HYDIN: variants seen among roughly 807,000 people sequenced by gnomAD.
HYDIN encodes the protein axonemal central pair apparatus protein HYDIN.
A neutral mutation model predicts 403.9 loss-of-function variants in HYDIN; 132 were observed. That is an observed-to-expected ratio of 0.33 (90% CI 0.28 to 0.38). The LOEUF (loss-of-function observed/expected upper bound fraction) is 0.38, where lower values mean the gene tolerates loss of function less well. Ranked by LOEUF, HYDIN falls within the 10% of genes least tolerant of loss-of-function variation. The pLI is 1.00. For synonymous variants in HYDIN, 1,202 were observed against 1,891.7 expected (o/e 0.64, Z 9.46); for missense variants, 2,827 against 5,009.5 (o/e 0.56, Z 13.15).
chr16:71,013,230 C>T (rs1223599527), intron 23 of HYDIN, among the ~76,000 whole-genome samples: 1 of 151,852 alleles, frequency 6.6e-6, no homozygotes, highest in Non-Finnish European at 1.5e-5. Flanking sequence ...GAAGGCTTCC[C>T]TGCAGAAGGA....
intron 1 of HYDIN, among the ~76,000 whole-genome samples, chr16:71,211,844 G>C (rs2088610245): frequency 6.6e-6 from 1 of 152,070 alleles, no homozygotes; most frequent in Non-Finnish European, 1.5e-5. Flanking sequence ...GCTTCACATA[G>C]GGGAATTATT....
At chr16:70,931,208 CTGTTTT>C (rs1453194758) in intron 45 of HYDIN, among the ~76,000 whole-genome samples, 27 of 78,238 alleles carry the variant, frequency 3.5e-4, no homozygotes, top group East Asian at 6.3e-4. Flanking sequence ...TCTCTTTCTT[CTGTTTT>C]TTTTTTTTTT....
At chr16:70,997,600 A>T (rs1378876244) in intron 23 of HYDIN, among the ~76,000 whole-genome samples, 1 of 151,836 alleles carries the variant, frequency 6.6e-6, no homozygotes. Flanking sequence ...ATCTTTAAGC[A>T]TTAGCTTAGA....
At chr16:70,926,060 T>G (rs1175536106) in intron 45 of HYDIN, among the ~76,000 whole-genome samples, 1 of 150,978 alleles carries the variant, frequency 6.6e-6, no homozygotes, top group African/African-American at 2.4e-5. Flanking sequence ...TGGCGATTCC[T>G]CAGGGATCTA....
rs1400203567 is a variant in HYDIN, at chr16:71,230,661, C to T, written c.-123G>A. The stretch of plus-strand genomic sequence containing the variant: ...CGCCGCCGCTGAGGGGCTCCATACC[C>T]AGCTTGAAGCCGCCCGCACTCTCCA... On this transcript the variant is annotated 5_prime_UTR_variant, in exon 1 of 86. Coordinates refer to ENST00000393567, the MANE Select transcript of HYDIN (RefSeq NM_001270974.2). The T allele has an allele frequency of 1.2e-5, 18 of 1,535,968 alleles. No homozygotes were observed. Among genetic ancestry groups the T allele is most frequent in the Admixed American group, 2.0e-5 (1 of 50,984 alleles).
intron 45 of HYDIN, among the ~76,000 whole-genome samples, chr16:70,923,815 T>C (rs373349635): frequency 2.2e-5 from 3 of 138,868 alleles, no homozygotes; most frequent in African/African-American, 8.1e-5. Flanking sequence ...AGCAAGACTC[T>C]GTCTCAAAAA....
chr16:70,990,830 C>T (rs1438625472), intron 25 of HYDIN, among the ~76,000 whole-genome samples: 2 of 152,162 alleles, frequency 1.3e-5, no homozygotes, highest in Non-Finnish European at 2.9e-5. Flanking sequence ...GAGGTTATGC[C>T]AATTCATACT....
intron 50 of HYDIN, among the ~76,000 whole-genome samples, chr16:70,905,659 G>C (rs370571214): frequency 7.2e-6 from 1 of 139,086 alleles, no homozygotes; most frequent in East Asian, 2.1e-4. Flanking sequence ...AAAAAGACAA[G>C]AAAAGAAAAG....
chr16:71,071,812 T>C (rs1255796440), intron 13 of HYDIN, among the ~76,000 whole-genome samples: 1 of 152,236 alleles, frequency 6.6e-6, no homozygotes, highest in Non-Finnish European at 1.5e-5. Context: ...GAGTATTAAA[T>C]TGATTCATCA....
chr16:70,944,043 T>C lies in HYDIN; in HGVS notation c.6532-94A>G, dbSNP rs2077767924. The stretch of plus-strand genomic sequence containing the variant: ...GCCACAGGACCTTGGGAAGATCACA[T>C]AATCTGTCATTTCCTCATCTGTACA... On this transcript the variant is annotated intron_variant, in intron 41 of 85. Coordinates refer to ENST00000393567, the MANE Select transcript of HYDIN (RefSeq NM_001270974.2). 8.8e-6 allele frequency: 8 copies of C among 911,078 alleles called. 1 individual carries two copies. The highest frequency in any genetic ancestry group is 3.0e-5 in the South Asian group (2 of 65,688). 56.4% of individuals were successfully genotyped at this position (911,078 alleles called of 1,614,324 possible).
At chr16:70,992,876 C>T (rs1174845883) in intron 23 of HYDIN, among the ~76,000 whole-genome samples, 1 of 152,210 alleles carries the variant, frequency 6.6e-6, no homozygotes, top group Non-Finnish European at 1.5e-5. Context: ...ATTAAAAAGG[C>T]CTTTGGATGT....
chr16:71,208,778 C>T (rs1011544424), intron 1 of HYDIN, among the ~76,000 whole-genome samples: 2 of 151,642 alleles, frequency 1.3e-5, no homozygotes, highest in Non-Finnish European at 3.0e-5. Context: ...TTTATGCATA[C>T]AAATTAGAAA....
Position 70,881,267 on chromosome 16 carries a change from T to C in HYDIN, c.10215+1393A>G, listed in dbSNP as rs574896709. ...AAATCAGTCTTCCTCACTTTTTATGTTTTTAGTACAGAAGAGGAAGAAAGC... is the reference window on the plus strand; with the variant it reads ...AAATCAGTCTTCCTCACTTTTTATGCTTTTAGTACAGAAGAGGAAGAAAGC... On this transcript the variant is annotated intron_variant, in intron 60 of 85. Coordinates refer to ENST00000393567, the MANE Select transcript of HYDIN (RefSeq NM_001270974.2). 2.2e-5 allele frequency among the ~76,000 whole-genome samples: 3 copies of C among 137,534 alleles called. No individual in the cohort carries two copies. The South Asian group carries it at 6.6e-4, about 30-fold the overall frequency. 90.2% of individuals were successfully genotyped at this position (137,534 alleles called of 152,430 possible).
chr16:70,879,303 A>C lies in HYDIN; in HGVS notation c.10551T>G (p.Pro3517=), dbSNP rs1294614892. The change falls in exon 62 of 86, where the codon CCT becomes CCG. Residue 3517 remains proline (P), a synonymous_variant. Coordinates refer to ENST00000393567, the MANE Select transcript of HYDIN (RefSeq NM_001270974.2). ...PLILKNNGVL[P]AQLHVDLQDE... The stretch of plus-strand genomic sequence containing the variant: ...CTTCACCCTCGAGTATTACCTGGGC[A>C]GGGAGGACACCATTGTTCTTGAGGA... 1 of 1,210,410 alleles carries C rather than the reference A, an allele frequency of 8.3e-7. No homozygotes were observed. Among genetic ancestry groups the C allele is most frequent in the East Asian group, 2.4e-5 (1 of 41,792 alleles). The allele number at this position is 1,210,410 out of a possible 1,614,324, so 75.0% of individuals were successfully genotyped here.
chr16:71,195,941 A>ACAC (rs1389356703), intron 1 of HYDIN, among the ~76,000 whole-genome samples: 1 of 152,220 alleles, frequency 6.6e-6, no homozygotes, highest in African/African-American at 2.4e-5. Context: ...TCCAGGTCAG[A>ACAC]CACAGGCAAA....
chr16:70,856,306 C>A (rs1004682851), intron 72 of HYDIN, among the ~76,000 whole-genome samples: 2 of 100,902 alleles, frequency 2.0e-5, no homozygotes, highest in Admixed American at 2.4e-4. Flanking sequence ...TTTATGTGTA[C>A]AAAATCATCA....
chr16:70,894,337 T>C (rs2041663198), intron 55 of HYDIN, 112 bp downstream of exon 55: 1 of 1,493,626 alleles, frequency 6.7e-7, no homozygotes. Flanking sequence ...ACGGTGGACT[T>C]GACGGCCGCA....
intron 50 of HYDIN, among the ~76,000 whole-genome samples, chr16:70,906,125 T>C (rs1207214746): frequency 6.6e-6 from 1 of 152,020 alleles, no homozygotes; most frequent in Non-Finnish European, 1.5e-5. Context: ...TCCCTGCCTA[T>C]ATGATAAGAA....
At chr16:70,883,038 G>A (rs942132393) in intron 59 of HYDIN, 143 bp from the exon 60 acceptor site, 7 of 655,820 alleles carry the variant, frequency 1.1e-5, no homozygotes, top group Non-Finnish European at 1.9e-5. Flanking sequence ...TGTGAGGGAT[G>A]GGAAACATTC....
Sources: gnomAD v4.1 joint callset for allele counts (sites outside exome capture counted in the v4.1 genomes callset) on GRCh38, gnomAD v4.1.1 for gene constraint, MANE v1.5 for transcripts, NCBI Gene and HGNC (gene_info 2026-07-23, HGNC 2026-07-21) for gene names.